The following DNMT3B variants were observed in gnomAD, a reference collection of about 807,000 sequenced individuals.
DNMT3B encodes the protein DNA methyltransferase 3 beta.
DNMT3B carries 37 observed loss-of-function variants against 120.2 expected under a neutral mutation model. The ratio of observed to expected loss-of-function variants is 0.31; its 90% CI spans 0.24 to 0.40. The LOEUF (loss-of-function observed/expected upper bound fraction) is 0.40. Among genes scored for constraint, DNMT3B ranks in the 10% least tolerant of loss-of-function variants. DNMT3B has a pLI of 1.00. For missense variants in DNMT3B, 878 were observed against 1,137.3 expected (o/e 0.77, Z 3.28); for synonymous variants, 412 against 442.8 (o/e 0.93, Z 0.87).
At chr20:32,778,893 G>C (rs1428277522) in intron 1 of DNMT3B, among the ~76,000 whole-genome samples, 1 of 152,096 alleles carries the variant, frequency 6.6e-6, no homozygotes, top group East Asian at 1.9e-4. Flanking sequence ...CCGTGATCAC[G>C]CCACTGCACT....
chr20:32,799,202 C>CCCTGTGCCTTCACCTTTGCCCTGTG, intron 15 of DNMT3B, 42 bp from the exon 16 acceptor site: 1 of 1,586,972 alleles, frequency 6.3e-7, no homozygotes, highest in South Asian at 1.1e-5. Context: ...TGAGTCTTTG[C>CCCTGTGCCTTCACCTTTGCCCTGTG]CCTGTGCCTT....
intron 20 of DNMT3B, among the ~76,000 whole-genome samples, chr20:32,804,684 CTTT>C (rs537765800): frequency 7.3e-4 from 82 of 112,650 alleles, no homozygotes; most frequent in African/African-American, 2.3e-3. Flanking sequence ...GGTGCTTAGT[CTTT>C]TTTTTTTTTT....
At chr20:32,791,779 A>G in intron 8 of DNMT3B, 71 bp downstream of exon 8, 2 of 1,559,880 alleles carry the variant, frequency 1.3e-6, no homozygotes, top group Middle Eastern at 2.0e-4. Flanking sequence ...ACAGAAACCT[A>G]GCTCAGTGTT....
At position 32,807,792 on chromosome 20, in the gene DNMT3B, C is replaced by T. The variant is rs961082980; in HGVS notation, c.2451C>T (p.Asp817=). The change falls in exon 23 of 23, where the codon GAC becomes GAT. Residue 817 remains aspartate, a synonymous_variant. Transcript: ENST00000328111. Reference sequence around the variant, plus strand: ...TTGGCTTTCCTGTGCACTACACAGACGTGTCCAACATGGGCCGTGGTGCCC... The same window carrying T: ...TTGGCTTTCCTGTGCACTACACAGATGTGTCCAACATGGGCCGTGGTGCCC... The part of the protein sequence containing the change: ...RIFGFPVHYT[D]VSNMGRGARQ... 9.3e-6 allele frequency: 15 copies of T among 1,614,046 alleles called. No homozygotes were observed. Among genetic ancestry groups the T allele is most frequent in the African/African-American group, 5.3e-5 (4 of 74,912 alleles).
Position 32,801,445 on chromosome 20 carries a change from C to T in DNMT3B, c.2145+19C>T. On this transcript the variant is annotated intron_variant, in intron 19 of 22. Coordinates refer to ENST00000328111, the MANE Select transcript of DNMT3B (RefSeq NM_006892.4). ...CCTGGAGGTGAGGGAATCTGGGGAC[C>T]TGATTGTCACAGACAGCCAGGGCAG... 6.2e-7 allele frequency: 1 copy of T among 1,613,600 alleles called. No individual in the cohort carries two copies. The highest frequency in any genetic ancestry group is 8.5e-7 in the Non-Finnish European group (1 of 1,179,998).
In DNMT3B at chr20:32,809,080, T is replaced by A. The variant is rs1601147884; in HGVS notation, c.*1177T>A. The A allele has an allele frequency of 2.8e-5, 6 of 216,374 alleles. No homozygotes were observed. The Admixed American group carries it at 3.5e-4, about 13-fold the overall frequency. The allele number at this position is 216,374 out of a possible 1,614,324, so 13.4% of individuals were successfully genotyped here. The stretch of plus-strand genomic sequence containing the variant: ...ATTTCAGAAATGCTGTCATAATGGT[T>A]TTTAACACCTTTTACTCTTCTTACT... On this transcript the variant is annotated 3_prime_UTR_variant, in exon 23 of 23. Coordinates refer to ENST00000328111, the MANE Select transcript of DNMT3B (RefSeq NM_006892.4).
chr20:32,804,890 C>A (rs1981796814), intron 20 of DNMT3B, among the ~76,000 whole-genome samples: 1 of 152,154 alleles, frequency 6.6e-6, no homozygotes, highest in East Asian at 1.9e-4. Flanking sequence ...GAGGCTGTAT[C>A]CCCAGCAGTG....
intron 1 of DNMT3B, among the ~76,000 whole-genome samples, chr20:32,767,521 CT>C (rs1346921905): frequency 6.6e-6 from 1 of 152,090 alleles, no homozygotes; most frequent in Non-Finnish European, 1.5e-5. Flanking sequence ...CCTTGAACTC[CT>C]GGGCTCATTC....
At chr20:32,797,606 A>G (rs2146022172) in intron 14 of DNMT3B, among the ~76,000 whole-genome samples, 1 of 150,738 alleles carries the variant, frequency 6.6e-6, no homozygotes. Context: ...CAATCCTCCC[A>G]CCTCAGCCTC....
chr20:32,794,372 CA>C (rs1280842927), intron 10 of DNMT3B, among the ~76,000 whole-genome samples: 1 of 129,790 alleles, frequency 7.7e-6, no homozygotes, highest in Non-Finnish European at 1.7e-5. Flanking sequence ...AAAACCAAAA[CA>C]GAAACAAAAA....
In DNMT3B at chr20:32,798,231, G is replaced by A. The variant is rs74398949; in HGVS notation, c.1491-229G>A. Among the ~76,000 whole-genome samples, 1,499 of 152,294 alleles carry A rather than the reference G, an allele frequency of 9.8e-3. 27 individuals are homozygous for A. Among genetic ancestry groups the A allele is most frequent in the African/African-American group, 0.035 (1,446 of 41,560 alleles). On this transcript the variant is annotated intron_variant, in intron 14 of 22. Transcript: ENST00000328111. ...TGTCCATGGAATGAAGTAGGTTGTCGGGAGAGCATTTCTGATCAGAGAGCC... is the reference window on the plus strand; with the variant it reads ...TGTCCATGGAATGAAGTAGGTTGTCAGGAGAGCATTTCTGATCAGAGAGCC...
intron 10 of DNMT3B, among the ~76,000 whole-genome samples, chr20:32,794,868 CTA>C (rs1980422541): frequency 6.6e-6 from 1 of 152,252 alleles, no homozygotes; most frequent in East Asian, 1.9e-4. Context: ...TCTGTATTAA[CTA>C]TATACAGATT....
chr20:32,800,989 C>CCTG, intron 18 of DNMT3B, 64 bp downstream of exon 18: 1 of 1,584,632 alleles, frequency 6.3e-7, no homozygotes, highest in Non-Finnish European at 8.7e-7. Context: ...GGCCCAGGTG[C>CCTG]AGCAGCCTGA....
rs201369623 is a variant in DNMT3B at position 32,786,664 on chromosome 20, C to T, written c.432+37C>T. On this transcript the variant is annotated intron_variant, in intron 5 of 22. Transcript: ENST00000328111. ...AGATGCCCAGACCCCTGCCCGCAGT[C>T]TCTAACTGGGAGATATGCCTCACTC... is the stretch of plus-strand genomic sequence containing the variant. 18 of 1,612,918 alleles carry T rather than the reference C, an allele frequency of 1.1e-5. No individual in the cohort carries two copies. In the East Asian group the frequency reaches 3.8e-4, roughly 34 times the overall value.
chr20:32,769,888 T>A (rs1008432002), intron 1 of DNMT3B, among the ~76,000 whole-genome samples: 1 of 152,132 alleles, frequency 6.6e-6, no homozygotes, highest in African/African-American at 2.4e-5. Flanking sequence ...GTCTGGGTTC[T>A]TTTACTTATT....
At chr20:32,807,217 ACT>A (rs889775950) in intron 22 of DNMT3B, among the ~76,000 whole-genome samples, 2 of 152,172 alleles carry the variant, frequency 1.3e-5, no homozygotes, top group African/African-American at 4.8e-5. Context: ...CCTGAGTAAC[ACT>A]GAGGCTCAGC....
chr20:32,787,518 C>CAACAGTAGCAGG, intron 6 of DNMT3B, 67 bp downstream of exon 6: 1 of 1,520,620 alleles, frequency 6.6e-7, no homozygotes, highest in Non-Finnish European at 9.0e-7. Context: ...AACCAGTTAC[C>CAACAGTAGCAGG]TGCTACTGTT....
chr20:32,792,069 C>T (rs1980033798), intron 8 of DNMT3B, among the ~76,000 whole-genome samples: 2 of 152,066 alleles, frequency 1.3e-5, no homozygotes, highest in Admixed American at 6.6e-5. Flanking sequence ...ATCTGTGGGC[C>T]GTCTTATCCC....
At chr20:32,780,085 G>A (rs746076116) in intron 1 of DNMT3B, 66 of 1,611,460 alleles carry the variant, frequency 4.1e-5, no homozygotes, top group Non-Finnish European at 5.3e-5. Flanking sequence ...CCTGGGTGCT[G>A]GCGTCTGAGC....
Sources: allele counts gnomAD v4.1 joint callset (sites outside exome capture counted in the v4.1 genomes callset), GRCh38; gene constraint gnomAD v4.1.1; transcripts MANE v1.5; gene names NCBI Gene and HGNC (gene_info 2026-07-23, HGNC 2026-07-21).